HSPG2: variants seen among roughly 807,000 people sequenced by gnomAD.
HSPG2 encodes the protein basement membrane-specific heparan sulfate proteoglycan core protein.
Under a neutral mutation model 526.6 loss-of-function variants are expected in HSPG2, and 278 were observed. The ratio of observed to expected loss-of-function variants is 0.53; its 90% CI spans 0.48 to 0.58. HSPG2 has a LOEUF of 0.58. HSPG2 is among the 20% of genes least tolerant of loss of function. HSPG2 has a pLI of 0.00. For synonymous variants in HSPG2, 2,465 were observed against 2,555.4 expected, an observed-to-expected ratio of 0.96 and a Z score of 1.07; for missense variants, 5,354 against 6,099.5, an observed-to-expected ratio of 0.88 and a Z score of 4.07.
chr1:21,885,727 C>T (rs937780446), intron 9 of HSPG2, among the ~76,000 whole-genome samples: 1 of 152,234 alleles, frequency 6.6e-6, no homozygotes, highest in Non-Finnish European at 1.5e-5. Context: ...CAGCATCACC[C>T]AGCCACGCTC....
intron 1 of HSPG2, among the ~76,000 whole-genome samples, chr1:21,925,219 C>T (rs1276796162): frequency 6.6e-6 from 1 of 152,194 alleles, no homozygotes; most frequent in Non-Finnish European, 1.5e-5. Flanking sequence ...CGATGTCAGG[C>T]GCACAGCAGG....
At chr1:21,850,319 CCCA>C (rs1332631761) in intron 56 of HSPG2, 41 bp downstream of exon 56, 1 of 1,603,706 alleles carries the variant, frequency 6.2e-7, no homozygotes, top group Non-Finnish European at 8.5e-7. Context: ...TGGGGGGCCT[CCCA>C]CCCTGGGTCC....
Position 21,833,508 on chromosome 1 carries a change from C to T in HSPG2, c.10937G>A (p.Arg3646His), listed in dbSNP as rs112062179. 7,068 of 1,614,092 alleles carry T rather than the reference C, an allele frequency of 4.4e-3. 17 individuals are homozygous for T. The highest frequency in any genetic ancestry group is 5.2e-3 in the Non-Finnish European group (6,170 of 1,179,998). The change falls in exon 79 of 97, where the codon CGC (arginine) becomes CAC (histidine). Residue 3646 changes from arginine (R) to histidine (H), a missense_variant. Arg to His is a conservative substitution (Grantham distance 29). Transcript: ENST00000374695. ...GGCAAAGGCTTTGACCTTGCCCTGG[C>T]GGTTAGTGGCGGTGCAGACGTAGGT... Reference protein sequence around the residue: ...AGTYVCTATNRQGKVKAFAHL... With the variant: ...AGTYVCTATNHQGKVKAFAHL...
At position 21,859,774 on chromosome 1, in the gene HSPG2, C is replaced by A; in HGVS notation, c.5182+61G>T. The A allele has an allele frequency of 3.8e-6, 6 of 1,588,974 alleles. No individual in the cohort carries two copies. The highest frequency in any genetic ancestry group is 4.3e-6 in the Non-Finnish European group (5 of 1,165,094). On this transcript the variant is annotated intron_variant, in intron 41 of 96. Transcript: ENST00000374695. This position sits in a 1 kb window ranked among gnomAD's most constrained non-coding sequence, Gnocchi z 5.3. ...AGCATCCCACTAGGGCAGGGACAGG[C>A]CCCTGCCTCCCCTCCCACTGGGATG...
chr1:21,892,880 AG>A (rs1321211032), intron 3 of HSPG2, among the ~76,000 whole-genome samples: 4 of 148,908 alleles, frequency 2.7e-5, no homozygotes, highest in Admixed American at 6.7e-5. Flanking sequence ...AAAAAAAAAA[AG>A]AAAAGAAAAG....
Position 21,828,962 on chromosome 1 carries a change from C to T in HSPG2, c.12110G>A (p.Arg4037His), listed in dbSNP as rs143015575. ...LRVNGGRPVL[R>H]SSPGKSQGLN... The stretch of plus-strand genomic sequence containing the variant: ...GCCCTGGCTCTTGCCGGGCGAGGAG[C>T]GCAGCACAGGGCGTCCACCATTCAC... Residue 4037 changes from arginine (R) to histidine (H), a missense_variant, in exon 88 of 97, where the codon CGC becomes CAC. Transcript: ENST00000374695. The surrounding 1 kb of genome is among the most constrained non-coding windows in gnomAD (Gnocchi z 6.0). The T allele has an allele frequency of 1.0e-5, 16 of 1,577,684 alleles. No homozygotes were observed. Among genetic ancestry groups the T allele is most frequent in the South Asian group, 7.0e-5 (6 of 85,948 alleles).
intron 81 of HSPG2, among the ~76,000 whole-genome samples, chr1:21,832,211 C>A (rs1399835181): frequency 1.3e-5 from 2 of 152,208 alleles, no homozygotes; most frequent in Admixed American, 1.3e-4. Context: ...GTATCAGTGC[C>A]TGGCACACAT....
intron 57 of HSPG2, among the ~76,000 whole-genome samples, chr1:21,849,629 C>T (rs1462748567): frequency 2.6e-5 from 4 of 151,392 alleles, no homozygotes; most frequent in Admixed American, 2.6e-4. Context: ...AGTCACACAG[C>T]ATGCAAGTAG....
rs2098018620 is a variant in HSPG2, at chr1:21,834,582, CAGAAAGG to C, written c.10720+90_10720+96del. 1.9e-5 allele frequency: 27 copies of C among 1,425,588 alleles called. No homozygotes were observed. In the South Asian group the frequency reaches 3.2e-4, roughly 17 times the overall value. The allele number at this position is 1,425,588 out of a possible 1,614,324, so 88.3% of individuals were successfully genotyped here. On this transcript the variant is annotated intron_variant, in intron 77 of 96. Coordinates refer to ENST00000374695, the MANE Select transcript of HSPG2 (RefSeq NM_005529.7). ...CACAATGGAAAATGTCCCAAGTGAA[CAGAAAGG>C]AAGAGCAGAGCGGGCAGGCAGAAGA... is the stretch of plus-strand genomic sequence containing the variant.
intron 28 of HSPG2, 46 bp from the exon 29 acceptor site, chr1:21,874,057 C>T (rs942908974): frequency 4.0e-6 from 6 of 1,493,334 alleles, no homozygotes; most frequent in African/African-American, 1.4e-5. Context: ...GTGGCTCCTT[C>T]CTCTCCCCCG....
rs530657195 is a variant in HSPG2 at position 21,824,457 on chromosome 1, TC to T, written c.12744+79del. ...GAGGCCAGGGGGCTCTGCTTTCCCC[TC>T]CCCCCACCACTCCGGCCACCAGGAA... is the stretch of plus-strand genomic sequence containing the variant. On this transcript the variant is annotated intron_variant, in intron 93 of 96. Coordinates refer to ENST00000374695, the MANE Select transcript of HSPG2 (RefSeq NM_005529.7). This position sits in a 1 kb window ranked among gnomAD's most constrained non-coding sequence, Gnocchi z 5.9. 1.1e-3 allele frequency: 1,688 copies of T among 1,593,268 alleles called. 4 individuals are homozygous for T. The highest frequency in any genetic ancestry group is 2.0e-3 in the South Asian group (180 of 90,674).
At chr1:21,936,059 C>T (rs1246742025) in intron 1 of HSPG2, among the ~76,000 whole-genome samples, 1 of 152,090 alleles carries the variant, frequency 6.6e-6, no homozygotes, top group African/African-American at 2.4e-5. Context: ...AGAAAAGTCC[C>T]TCTCTTGGCT....
chr1:21,829,753 G>C lies in HSPG2; in HGVS notation c.11771-149C>G, dbSNP rs534808442. 8.1e-6 allele frequency: 6 copies of C among 743,610 alleles called. No individual in the cohort carries two copies. In the Admixed American group the frequency reaches 1.3e-4, roughly 16 times the overall value. 46.1% of individuals were successfully genotyped at this position (743,610 alleles called of 1,614,324 possible). A position where few individuals can be genotyped will look rare whatever the true frequency, so the allele number is the denominator to read the frequency against. ...GTTGGCACCAGCTGCAGTGGCACAG[G>C]AGCCCCCCTGCCCTTGCACACGGGG... On this transcript the variant is annotated intron_variant, in intron 86 of 96. Coordinates refer to ENST00000374695, the MANE Select transcript of HSPG2 (RefSeq NM_005529.7).
In HSPG2 at chr1:21,856,996, G is replaced by T. The variant is rs1639393186; in HGVS notation, c.5575+19C>A. 2.5e-6 allele frequency: 4 copies of T among 1,612,444 alleles called. No individual in the cohort carries two copies. The South Asian group carries it at 4.4e-5, about 18-fold the overall frequency. On this transcript the variant is annotated intron_variant, in intron 44 of 96. Coordinates refer to ENST00000374695, the MANE Select transcript of HSPG2 (RefSeq NM_005529.7). The stretch of plus-strand genomic sequence containing the variant: ...GGGAGAGACAGGAGGGGAGAATCAG[G>T]TATAGATGGGAGGTGTACCCTGCAC...
chr1:21,853,471 C>T lies in HSPG2; in HGVS notation c.6440-401G>A, dbSNP rs559078206. ...AAACCACACCATGACTGGCCAGGCG[C>T]GGTGGCTCATGCCTATAATCCCAGC... On this transcript the variant is annotated intron_variant, in intron 50 of 96. Transcript: ENST00000374695. 1,031 of 219,908 alleles carry T rather than the reference C, an allele frequency of 4.7e-3. 6 individuals are homozygous for T. Among genetic ancestry groups the T allele is most frequent in the Non-Finnish European group, 7.4e-3 (813 of 109,332 alleles). 13.6% of individuals were successfully genotyped at this position (219,908 alleles called of 1,614,324 possible). A position where few individuals can be genotyped will look rare whatever the true frequency, so the allele number is the denominator to read the frequency against.
rs773759769 is a variant in HSPG2 at position 21,831,137 on chromosome 1, C to T, written c.11563-47G>A. ...TAAGGCCGAGAACATTCAGTACCCCCCATAATCCCCACAGGGGCCAGCCAT... is the reference window on the plus strand; with the variant it reads ...TAAGGCCGAGAACATTCAGTACCCCTCATAATCCCCACAGGGGCCAGCCAT... On this transcript the variant is annotated intron_variant, in intron 84 of 96. Coordinates refer to ENST00000374695, the MANE Select transcript of HSPG2 (RefSeq NM_005529.7). 9 of 1,604,502 alleles carry T rather than the reference C, an allele frequency of 5.6e-6. No individual in the cohort carries two copies. In the East Asian group the frequency reaches 1.6e-4, roughly 28 times the overall value.
intron 37 of HSPG2, among the ~76,000 whole-genome samples, chr1:21,863,366 GTC>G (rs1433689414): frequency 6.6e-6 from 1 of 151,144 alleles, no homozygotes; most frequent in East Asian, 1.9e-4. Context: ...GAGCGAGACT[GTC>G]TTGAAAAAAA....
At chr1:21,823,939 G>T in intron 95 of HSPG2, 182 bp downstream of exon 95, 1 of 756,984 alleles carries the variant, frequency 1.3e-6, no homozygotes, top group Non-Finnish European at 2.2e-6. Context: ...GCACTCGCCT[G>T]CCCCCAGCGG....
intron 13 of HSPG2, among the ~76,000 whole-genome samples, chr1:21,882,400 TACACACACACACAC>T (rs56357321): frequency 1.3e-4 from 19 of 142,780 alleles, no homozygotes; most frequent in East Asian, 2.1e-4. Context: ...CTCTTCTATG[TACACACACACACAC>T]ACACACACAC....
Sources: allele counts gnomAD v4.1 joint callset (sites outside exome capture counted in the v4.1 genomes callset), GRCh38; gene constraint gnomAD v4.1.1; non-coding constraint Gnocchi (gnomAD v3.1); transcripts MANE v1.5; gene names NCBI Gene and HGNC (gene_info 2026-07-23, HGNC 2026-07-21).